PPP1R42: variants seen among roughly 807,000 people sequenced by gnomAD.
PPP1R42 encodes the protein protein phosphatase 1 regulatory subunit 42, also known as leucine rich repeat containing 67.
A neutral mutation model predicts 31.0 loss-of-function variants in PPP1R42; 34 were observed. That is an observed-to-expected ratio of 1.10 (90% CI 0.83 to 1.46). PPP1R42 has a LOEUF of 1.46. PPP1R42 is among the 40% of genes most tolerant of loss of function. The pLI is 0.00. For missense variants in PPP1R42, 268 were observed against 303.0 expected, an observed-to-expected ratio of 0.88 and a Z score of 0.86; for synonymous variants, 103 against 109.8, an observed-to-expected ratio of 0.94 and a Z score of 0.39.
chr8:66,998,097 A>G (rs1329150277), intron 5 of PPP1R42, among the ~76,000 whole-genome samples: 1 of 152,198 alleles, frequency 6.6e-6, no homozygotes, highest in Non-Finnish European at 1.5e-5. Context: ...AATCTAAACA[A>G]TAAAGTCTAT....
At chr8:66,984,528 G>C in intron 6 of PPP1R42, 1 of 1,257,252 alleles carries the variant, frequency 8.0e-7, no homozygotes, top group South Asian at 1.2e-5. Context: ...TGGCTGGGGT[G>C]CTAAATTTCT....
At chr8:67,005,199 C>T (rs991238187) in intron 5 of PPP1R42, among the ~76,000 whole-genome samples, 2 of 151,302 alleles carry the variant, frequency 1.3e-5, no homozygotes, top group African/African-American at 4.9e-5. Flanking sequence ...AACTGGTCCC[C>T]TCTAACTTTG....
chr8:67,019,010 A>T (rs111764178), intron 1 of PPP1R42, among the ~76,000 whole-genome samples: 18,453 of 146,420 alleles, frequency 0.13, 2,241 homozygotes, highest in African/African-American at 0.32. Flanking sequence ...TTTTTTTTTT[A>T]ATTTTAATGG....
At chr8:66,977,570 A>G (rs1384023325) in intron 7 of PPP1R42, among the ~76,000 whole-genome samples, 1 of 151,894 alleles carries the variant, frequency 6.6e-6, no homozygotes, top group Non-Finnish European at 1.5e-5. Context: ...CAATGGCATG[A>G]TCTTGGCTCA....
intron 1 of PPP1R42, 51 bp from the exon 2 acceptor site, chr8:67,017,882 A>G (rs1816064655): frequency 1.1e-6 from 1 of 905,408 alleles, no homozygotes; most frequent in South Asian, 4.0e-5. Flanking sequence ...AATTTAAGGA[A>G]AAGTTATTCT....
At chr8:66,980,787 T>C (rs918325305) in intron 7 of PPP1R42, among the ~76,000 whole-genome samples, 7 of 152,004 alleles carry the variant, frequency 4.6e-5, no homozygotes, top group Non-Finnish European at 8.8e-5. Flanking sequence ...AACACTATCA[T>C]GGAAAGGAGG....
At chr8:66,977,577 C>T (rs1383879655) in intron 7 of PPP1R42, among the ~76,000 whole-genome samples, 2 of 152,088 alleles carry the variant, frequency 1.3e-5, no homozygotes, top group Non-Finnish European at 2.9e-5. Context: ...ATGATCTTGG[C>T]TCACTGCAGC....
At chr8:67,004,038 C>A (rs1008328585) in intron 5 of PPP1R42, among the ~76,000 whole-genome samples, 1 of 150,546 alleles carries the variant, frequency 6.6e-6, no homozygotes, top group South Asian at 2.1e-4. Flanking sequence ...GGCAGTGAGC[C>A]GAGATGGCAC....
At chr8:67,027,740 GT>G (rs1017216560) in intron 1 of PPP1R42, among the ~76,000 whole-genome samples, 13 of 152,194 alleles carry the variant, frequency 8.5e-5, no homozygotes, top group African/African-American at 3.1e-4. Flanking sequence ...CACTTGTGAA[GT>G]GTCTTTGGTT....
intron 1 of PPP1R42, among the ~76,000 whole-genome samples, chr8:67,024,002 C>T (rs913999608): frequency 2.6e-5 from 4 of 151,726 alleles, no homozygotes; most frequent in African/African-American, 9.7e-5. Context: ...AAAAATTAGC[C>T]GGGCATGGTG....
At position 66,968,379 on chromosome 8, in the gene PPP1R42, C is replaced by A. The variant is rs1282280252; in HGVS notation, c.803-4045G>T. ...CAGGCACAGCCCCCAGTGTGTAGAA[C>A]CCTAAAGGAGTGTGGGGCACATACC... On this transcript the variant is annotated intron_variant, in intron 7 of 7. Transcript: ENST00000685739. The A allele has an allele frequency of 3.3e-5, 22 of 660,874 alleles. No individual in the cohort carries two copies. The Admixed American group carries it at 1.4e-3, about 42-fold the overall frequency. 40.9% of individuals were successfully genotyped at this position (660,874 alleles called of 1,614,324 possible).
chr8:67,018,389 A>G (rs372724416), intron 1 of PPP1R42, among the ~76,000 whole-genome samples: 1 of 151,916 alleles, frequency 6.6e-6, no homozygotes, highest in African/African-American at 2.4e-5. Flanking sequence ...AAGTGCTGAG[A>G]TTACAGGCGT....
intron 7 of PPP1R42, among the ~76,000 whole-genome samples, chr8:66,971,906 AT>A (rs1814547881): frequency 1.3e-5 from 2 of 152,238 alleles, no homozygotes; most frequent in African/African-American, 4.8e-5. Flanking sequence ...CACATAAAAG[AT>A]TAGGAAGTAC....
chr8:66,970,364 G>A (rs1814504929), intron 7 of PPP1R42, among the ~76,000 whole-genome samples: 1 of 151,758 alleles, frequency 6.6e-6, no homozygotes, highest in Non-Finnish European at 1.5e-5. Context: ...TTGAACTCCT[G>A]GACTAAAATG....
intron 5 of PPP1R42, among the ~76,000 whole-genome samples, chr8:66,996,052 T>TATG (rs1404404484): frequency 6.6e-6 from 1 of 151,938 alleles, no homozygotes; most frequent in Non-Finnish European, 1.5e-5. Flanking sequence ...CTGAGTGTCT[T>TATG]ATTATTATTA....
intron 5 of PPP1R42, among the ~76,000 whole-genome samples, chr8:66,989,340 A>G (rs1451844916): frequency 1.3e-5 from 2 of 152,090 alleles, no homozygotes; most frequent in Non-Finnish European, 2.9e-5. Flanking sequence ...CTTTGTCCCT[A>G]TTTGGGTTTC....
chr8:67,026,068 G>A (rs925654178), intron 1 of PPP1R42, among the ~76,000 whole-genome samples: 2 of 151,686 alleles, frequency 1.3e-5, no homozygotes, highest in African/African-American at 4.8e-5. Flanking sequence ...GGGCGCGGTG[G>A]CTCATGATTG....
At chr8:67,004,965 G>A (rs766262631) in intron 5 of PPP1R42, among the ~76,000 whole-genome samples, 1 of 152,244 alleles carries the variant, frequency 6.6e-6, no homozygotes, top group East Asian at 1.9e-4. Flanking sequence ...CCCTAAAGAG[G>A]AATGAATTCA....
intron 6 of PPP1R42, chr8:66,984,905 T>A: frequency 6.5e-7 from 1 of 1,541,256 alleles, no homozygotes. Flanking sequence ...TCCTTCTTGG[T>A]AAGATACACT....
Sources: allele counts gnomAD v4.1 joint callset (sites outside exome capture counted in the v4.1 genomes callset), GRCh38; gene constraint gnomAD v4.1.1; transcripts MANE v1.5; gene names NCBI Gene and HGNC (gene_info 2026-07-23, HGNC 2026-07-21).